DAB1: variants seen among roughly 807,000 people sequenced by gnomAD.
DAB1 encodes the protein disabled homolog 1.
A neutral mutation model predicts 64.6 loss-of-function variants in DAB1; 15 were observed. The observed-to-expected ratio is 0.23, with a 90% CI of 0.16 to 0.36. DAB1 has a LOEUF of 0.36. Ranked by LOEUF, DAB1 falls within the 10% of genes least tolerant of loss-of-function variation. The pLI, the probability that DAB1 is intolerant of heterozygous loss-of-function variation, is 1.00. For synonymous variants in DAB1, 235 were observed against 251.9 expected (o/e 0.93, Z 0.64); for missense variants, 596 against 706.7 (o/e 0.84, Z 1.78).
chr1:58,174,212 T>C (rs1656334995), intron 4 of DAB1, among the ~76,000 whole-genome samples: 1 of 152,224 alleles, frequency 6.6e-6, no homozygotes, highest in Non-Finnish European at 1.5e-5. Context: ...AAAAGGCTTC[T>C]GAAATCAGAC....
chr1:58,047,697 T>A (rs145165609), intron 5 of DAB1, among the ~76,000 whole-genome samples: 3 of 152,184 alleles, frequency 2.0e-5, no homozygotes, highest in African/African-American at 7.2e-5. Flanking sequence ...CGCAATTCCA[T>A]ACATGTGAGA....
chr1:57,637,502 A>C (rs1289757144), intron 7 of DAB1, among the ~76,000 whole-genome samples: 2 of 152,178 alleles, frequency 1.3e-5, no homozygotes, highest in African/African-American at 2.4e-5. Flanking sequence ...TGAGGTCATC[A>C]TGCAGTCTGA....
intron 4 of DAB1, among the ~76,000 whole-genome samples, chr1:57,082,405 G>C (rs1048425833): frequency 6.6e-6 from 1 of 152,164 alleles, no homozygotes; most frequent in African/African-American, 2.4e-5. Context: ...GAAGACACAC[G>C]TGCTTAGAAG....
rs548550055 is a variant in DAB1, at chr1:58,196,955, G to A, written n.310-46367C>T. Among the ~76,000 whole-genome samples the A allele has an allele frequency of 2.6e-5, 4 of 152,288 alleles. No homozygotes were observed. In the South Asian group the frequency reaches 6.2e-4, roughly 24 times the overall value. On this transcript the variant is annotated intron_variant and non_coding_transcript_variant, in intron 4 of 20. Coordinates refer to the DAB1 transcript ENST00000485760. ...TACATGTTTCAGCTTCCCTTTAGAT[G>A]AAGCCCATGTGACTTAGTCTTAATA...
In DAB1 at chr1:57,072,459, C is replaced by CT. The variant is rs775222206; in HGVS notation, c.307-46dup. On this transcript the variant is annotated intron_variant, in intron 4 of 14. Coordinates refer to ENST00000371236, the MANE Select transcript of DAB1 (RefSeq NM_001365792.1). ...AAGAACATATTTCAGGGGACTTTCC[C>CT]TTCGAGCTGTTGATCAATAAGAAAT... is the stretch of plus-strand genomic sequence containing the variant. 8 of 1,600,202 alleles carry CT rather than the reference C, an allele frequency of 5.0e-6. 1 individual carries two copies. The Admixed American group carries it at 1.3e-4, about 27-fold the overall frequency.
chr1:57,069,334 G>A, intron 8 of DAB1, 26 bp downstream of exon 8: 1 of 1,587,530 alleles, frequency 6.3e-7, no homozygotes, highest in South Asian at 1.1e-5. Flanking sequence ...GTGGTGCAAT[G>A]GTAAGAGAGG....
At position 57,946,702 on chromosome 1, in the gene DAB1, G is replaced by C. The variant is rs147053913; in HGVS notation, n.388-62540C>G. 6.8e-3 allele frequency among the ~76,000 whole-genome samples: 1,030 copies of C among 152,302 alleles called. 12 individuals are homozygous for C. The highest frequency in any genetic ancestry group is 0.024 in the African/African-American group (989 of 41,564). ...ACAAAGCCACCTGTCTCAGGATTCT[G>C]GTAACGGCCCCTCTTCTTACCCTTT... On this transcript the variant is annotated intron_variant and non_coding_transcript_variant, in intron 5 of 20. Transcript: ENST00000485760.
Position 58,222,468 on chromosome 1 carries a change from T to C in DAB1, n.310-71880A>G, listed in dbSNP as rs191399121. The stretch of plus-strand genomic sequence containing the variant: ...CTTTCTATAGAACTGACTTTCTACA[T>C]TATTTAGACCTGTAAGTTATGATGA... On this transcript the variant is annotated intron_variant and non_coding_transcript_variant, in intron 4 of 20. Transcript: ENST00000485760. Among the ~76,000 whole-genome samples, 6 of 152,340 alleles carry C rather than the reference T, an allele frequency of 3.9e-5. No homozygotes were observed. The East Asian group carries it at 1.2e-3, about 29-fold the overall frequency.
intron 2 of DAB1, among the ~76,000 whole-genome samples, chr1:57,271,342 C>T (rs1001105629): frequency 1.3e-5 from 2 of 152,212 alleles, no homozygotes; most frequent in African/African-American, 4.8e-5. Flanking sequence ...CTGCCTCTGT[C>T]CTCACTGGTG....
Position 57,010,686 on chromosome 1 carries a change from C to A in DAB1, c.*9G>T. On this transcript the variant is annotated 3_prime_UTR_variant, in exon 14 of 15. Coordinates refer to ENST00000371236, the MANE Select transcript of DAB1 (RefSeq NM_001365792.1). ...AAAAAGGACAGATACCTACCCAGAC[C>A]TGCGCTATCTAGCTACCGGCCTGTG... 1.3e-6 allele frequency: 2 copies of A among 1,536,346 alleles called. No homozygotes were observed. Among genetic ancestry groups the A allele is most frequent in the South Asian group, 1.3e-5 (1 of 79,730 alleles).
In DAB1 at chr1:57,779,948, T is replaced by C. The variant is rs536307972; in HGVS notation, n.551+104051A>G. Among the ~76,000 whole-genome samples the C allele has an allele frequency of 3.9e-5, 6 of 152,296 alleles. No individual in the cohort carries two copies. The East Asian group carries it at 1.2e-3, about 29-fold the overall frequency. On this transcript the variant is annotated intron_variant and non_coding_transcript_variant, in intron 6 of 20. Coordinates refer to the DAB1 transcript ENST00000485760. ...TTTCTATTTTTCTTACCTGACAGTC[T>C]GCTTTCCCCACCTTGCTTACAAATG...
At chr1:57,727,921 T>C (rs537834193) in intron 6 of DAB1, among the ~76,000 whole-genome samples, 2 of 152,184 alleles carry the variant, frequency 1.3e-5, no homozygotes, top group Non-Finnish European at 2.9e-5. Context: ...AGTTTCATTT[T>C]CAAGGCTGGG....
chr1:57,016,065 G>A (rs1162876733), intron 11 of DAB1, among the ~76,000 whole-genome samples: 1 of 152,160 alleles, frequency 6.6e-6, no homozygotes, highest in Admixed American at 6.5e-5. Flanking sequence ...TCACTGGGTT[G>A]ATTTGAAGAT....
At chr1:57,323,100 A>G (rs1027225024) in intron 1 of DAB1, among the ~76,000 whole-genome samples, 2 of 151,892 alleles carry the variant, frequency 1.3e-5, no homozygotes, top group Non-Finnish European at 2.9e-5. Context: ...CTGCTGGTCC[A>G]TGGACCACAG....
At chr1:58,054,790 G>A (rs973250190) in intron 5 of DAB1, among the ~76,000 whole-genome samples, 13 of 152,296 alleles carry the variant, frequency 8.5e-5, no homozygotes, top group Admixed American at 7.2e-4. Flanking sequence ...GAGGTTTGGG[G>A]CATGAAACAC....
At chr1:58,374,696 G>GT (rs1325323259) in intron 3 of DAB1, among the ~76,000 whole-genome samples, 1 of 139,036 alleles carries the variant, frequency 7.2e-6, no homozygotes, top group Admixed American at 7.1e-5. Context: ...CTTTAAAGTA[G>GT]TTTTTTCCAA....
chr1:58,097,984 C>T (rs1367793246), intron 5 of DAB1, among the ~76,000 whole-genome samples: 4 of 152,150 alleles, frequency 2.6e-5, no homozygotes, highest in Non-Finnish European at 5.9e-5. Context: ...ACATCAGGGA[C>T]TCTTTTGTAT....
At chr1:58,133,138 T>C (rs1653738294) in intron 5 of DAB1, among the ~76,000 whole-genome samples, 1 of 152,236 alleles carries the variant, frequency 6.6e-6, no homozygotes, top group Non-Finnish European at 1.5e-5. Flanking sequence ...GTGGCCTAGT[T>C]TGGCACACAA....
At chr1:58,069,059 G>A (rs966066525) in intron 5 of DAB1, among the ~76,000 whole-genome samples, 7 of 152,100 alleles carry the variant, frequency 4.6e-5, no homozygotes, top group African/African-American at 9.7e-5. Context: ...TGGTAGGCTC[G>A]GACATGCTAT....
Sources: allele counts gnomAD v4.1 joint callset (sites outside exome capture counted in the v4.1 genomes callset), GRCh38; gene constraint gnomAD v4.1.1; transcripts MANE v1.5; gene names NCBI Gene and HGNC (gene_info 2026-07-23, HGNC 2026-07-21).